The following KDM4A variants were observed in gnomAD, a reference collection of about 807,000 sequenced individuals.
KDM4A encodes the protein lysine demethylase 4A.
In KDM4A, 23 loss-of-function variants were observed where a neutral mutation model predicts 127.1. The observed-to-expected ratio is 0.18, with a 90% CI of 0.13 to 0.26. The LOEUF (loss-of-function observed/expected upper bound fraction) is 0.26, where lower values mean the gene tolerates loss of function less well. Ranked by LOEUF, KDM4A falls within the 10% of genes least tolerant of loss-of-function variation. KDM4A has a pLI of 1.00. For synonymous variants in KDM4A, 443 were observed against 466.5 expected, an observed-to-expected ratio of 0.95 and a Z score of 0.65; for missense variants, 890 against 1,329.1, an observed-to-expected ratio of 0.67 and a Z score of 5.14.
At chr1:43,656,343 T>TTG (rs1391760511) in intron 3 of KDM4A, among the ~76,000 whole-genome samples, 1 of 140,654 alleles carries the variant, frequency 7.1e-6, no homozygotes, top group East Asian at 2.1e-4. Flanking sequence ...TTTTTTTTTT[T>TTG]TTTTTTTTTT....
rs760077202 is a variant in KDM4A at position 43,663,139 on chromosome 1, A to G, written c.623+52A>G. 1.7e-5 allele frequency: 25 copies of G among 1,511,134 alleles called. No homozygotes were observed. The South Asian group carries it at 2.3e-4, about 14-fold the overall frequency. 93.6% of individuals were successfully genotyped at this position (1,511,134 alleles called of 1,614,324 possible). ...GGCTTCTATGCTAGAGCACGGGCTC[A>G]TGTTCATTGTGCGTGGGAAGCACCT... On this transcript the variant is annotated intron_variant, in intron 5 of 21. Transcript: ENST00000372396.
In KDM4A at chr1:43,694,626, G is replaced by A. The variant is rs113271540; in HGVS notation, c.2485-83G>A. 1.1e-3 allele frequency: 1,318 copies of A among 1,242,996 alleles called. 15 individuals carry two copies. In the African/African-American group the frequency reaches 0.017, roughly 16 times the overall value. The allele number at this position is 1,242,996 out of a possible 1,614,324, so 77.0% of individuals were successfully genotyped here. ...GGAAGGGGCTGGCTCTTGCTTGCTT[G>A]GCTTTGCATTTGGGAGGGGAACAAC... On this transcript the variant is annotated intron_variant, in intron 17 of 21. Transcript: ENST00000372396. This position sits in a 1 kb window ranked among gnomAD's most constrained non-coding sequence, Gnocchi z 5.2.
intron 19 of KDM4A, chr1:43,700,096 G>C (rs1570881263): frequency 6.6e-6 from 1 of 152,146 alleles, no homozygotes; most frequent in Non-Finnish European, 1.5e-5. Context: ...AGAAAATTCA[G>C]CCTTGCGTAG....
intron 6 of KDM4A, 150 bp from the exon 7 acceptor site, chr1:43,666,302 A>C (rs1388747705): frequency 1.6e-6 from 1 of 630,414 alleles, no homozygotes; most frequent in African/African-American, 1.8e-5. Flanking sequence ...AGAATCTTAG[A>C]ATTGGTGCGG....
intron 11 of KDM4A, among the ~76,000 whole-genome samples, chr1:43,677,010 C>T (rs963674236): frequency 1.3e-5 from 2 of 152,082 alleles, no homozygotes; most frequent in African/African-American, 4.8e-5. Context: ...TCCCAGATAC[C>T]TTGTCATTTC....
chr1:43,678,092 GGT>G (rs2154047783), intron 11 of KDM4A, among the ~76,000 whole-genome samples: 1 of 152,206 alleles, frequency 6.6e-6, no homozygotes, highest in Admixed American at 6.5e-5. Flanking sequence ...TGGGATAGGT[GGT>G]GGTGTCATCC....
At chr1:43,665,173 ATCAGTATAT>A (rs762662219) in intron 5 of KDM4A, among the ~76,000 whole-genome samples, 2 of 152,102 alleles carry the variant, frequency 1.3e-5, no homozygotes, top group Non-Finnish European at 2.9e-5. Flanking sequence ...TTGTTGGGTA[ATCAGTATAT>A]GTAGCTGTTG....
intron 12 of KDM4A, among the ~76,000 whole-genome samples, chr1:43,685,109 A>C (rs1344518021): frequency 6.6e-6 from 1 of 152,004 alleles, no homozygotes. Context: ...GAGGGGACCA[A>C]GGGGGGTGAG....
intron 10 of KDM4A, among the ~76,000 whole-genome samples, chr1:43,670,975 G>A (rs1347484707): frequency 6.6e-6 from 1 of 152,198 alleles, no homozygotes; most frequent in Non-Finnish European, 1.5e-5. Flanking sequence ...AAAGTGCTGG[G>A]ATTACAGTTT....
intron 18 of KDM4A, among the ~76,000 whole-genome samples, chr1:43,695,172 C>T (rs1482443615): frequency 6.6e-6 from 1 of 152,154 alleles, no homozygotes; most frequent in Non-Finnish European, 1.5e-5. Flanking sequence ...GGGTCCATAT[C>T]TTATTAATGT....
intron 11 of KDM4A, among the ~76,000 whole-genome samples, chr1:43,672,428 C>T (rs1430172477): frequency 1.3e-5 from 2 of 152,044 alleles, no homozygotes; most frequent in African/African-American, 4.8e-5. Context: ...ACCTCGTGAT[C>T]TGCCCACCTC....
chr1:43,675,446 T>C (rs1222156139), intron 11 of KDM4A, among the ~76,000 whole-genome samples: 1 of 152,080 alleles, frequency 6.6e-6, no homozygotes, highest in African/African-American at 2.4e-5. Flanking sequence ...AAGGAAACAG[T>C]TTAGGCCTGA....
At chr1:43,661,608 C>CAAA (rs34131801) in intron 4 of KDM4A, among the ~76,000 whole-genome samples, 100 of 40,846 alleles carry the variant, frequency 2.4e-3, no homozygotes, top group Non-Finnish European at 2.9e-3. Context: ...GACTCTGTCT[C>CAAA]AAAAAAAAAA....
At chr1:43,675,576 A>G (rs147717576) in intron 11 of KDM4A, among the ~76,000 whole-genome samples, 158 of 152,272 alleles carry the variant, frequency 1.0e-3, no homozygotes, top group African/African-American at 3.7e-3. Flanking sequence ...GCAGTGGTTT[A>G]GTTTGTCTCA....
intron 12 of KDM4A, among the ~76,000 whole-genome samples, chr1:43,686,148 CTT>C (rs1660969884): frequency 9.4e-6 from 1 of 106,436 alleles, no homozygotes; most frequent in Non-Finnish European, 2.0e-5. Flanking sequence ...TTTTTTGTTT[CTT>C]GTTTTTTTTT....
intron 11 of KDM4A, among the ~76,000 whole-genome samples, chr1:43,682,708 CAGA>C (rs1271640146): frequency 6.6e-6 from 1 of 152,208 alleles, no homozygotes; most frequent in Non-Finnish European, 1.5e-5. Flanking sequence ...ATGGCCTGTT[CAGA>C]AGTTGTTTTC....
Position 43,693,964 on chromosome 1 carries a change from G to A in KDM4A, c.2376-30G>A, listed in dbSNP as rs1380689273. 1.9e-6 allele frequency: 3 copies of A among 1,592,380 alleles called. No individual in the cohort carries two copies. Among genetic ancestry groups the A allele is most frequent in the African/African-American group, 1.3e-5 (1 of 74,614 alleles). On this transcript the variant is annotated intron_variant, in intron 16 of 21. Transcript: ENST00000372396. This position sits in a 1 kb window ranked among gnomAD's most constrained non-coding sequence, Gnocchi z 4.2. ...AGGCCACAGAGCCTTGGGCCCAGAG[G>A]TGACTGAGGGAGCCTTTGCCTTTTG...
At position 43,674,245 on chromosome 1, in the gene KDM4A, G is replaced by GC. The variant is rs1660689965; in HGVS notation, c.1734+2376dup. Among the ~76,000 whole-genome samples, 6 of 151,994 alleles carry GC rather than the reference G, an allele frequency of 3.9e-5. No homozygotes were observed. The South Asian group carries it at 1.2e-3, about 32-fold the overall frequency. ...GGTGTGAGCCACTGTGTGCCCCACC[G>GC]CCCCCCAGCTGTTAAATACTTTATA... On this transcript the variant is annotated intron_variant, in intron 11 of 21. Transcript: ENST00000372396.
Position 43,653,328 on chromosome 1 carries a change from T to C in KDM4A, c.138+15T>C, listed in dbSNP as rs1270395075. Reference sequence around the variant, plus strand: ...GGCTAGCCAAGGTAAGGAGCTGGGATTGTTCAAATGGTTTTGTTACCTAGG... The same window carrying C: ...GGCTAGCCAAGGTAAGGAGCTGGGACTGTTCAAATGGTTTTGTTACCTAGG... On this transcript the variant is annotated intron_variant, in intron 2 of 21. Coordinates refer to ENST00000372396, the MANE Select transcript of KDM4A (RefSeq NM_014663.3). The C allele has an allele frequency of 3.1e-6, 5 of 1,603,892 alleles. No homozygotes were observed. The African/African-American group carries it at 6.7e-5, about 22-fold the overall frequency.
Sources: allele counts gnomAD v4.1 joint callset (sites outside exome capture counted in the v4.1 genomes callset), GRCh38; gene constraint gnomAD v4.1.1; non-coding constraint Gnocchi (gnomAD v3.1); transcripts MANE v1.5; gene names NCBI Gene and HGNC (gene_info 2026-07-23, HGNC 2026-07-21).